Variants in GALNT13 observed in about 807,000 individuals in gnomAD.
GALNT13 encodes the protein UDP-GalNAc:polypeptide N-acetylgalactosaminyltransferase 13.
GALNT13 carries 28 observed loss-of-function variants against 64.2 expected under a neutral mutation model. That is an observed-to-expected ratio of 0.44 (90% CI 0.32 to 0.60). GALNT13 has a LOEUF of 0.60. Among genes scored for constraint, GALNT13 ranks in the 20% least tolerant of loss-of-function variants. The pLI, the probability that GALNT13 is intolerant of heterozygous loss-of-function variation, is 0.05. For synonymous variants in GALNT13, 214 were observed against 224.6 expected (o/e 0.95, Z 0.42); for missense variants, 577 against 669.8 (o/e 0.86, Z 1.53).
At chr2:153,889,440 C>T (rs1687401895) in intron 1 of GALNT13, among the ~76,000 whole-genome samples, 2 of 151,878 alleles carry the variant, frequency 1.3e-5, no homozygotes, top group Non-Finnish European at 1.5e-5. Flanking sequence ...CACACTAACA[C>T]ACTCTAAAAC....
At chr2:153,745,980 C>T in the GALNT13 span, among the ~76,000 whole-genome samples, 2 of 152,074 alleles carry the variant, frequency 1.3e-5, no homozygotes, top group Non-Finnish European at 2.9e-5. Flanking sequence ...TGATACCTGG[C>T]CATAATATGG....
chr2:154,024,567 G>A (rs565042479), intron 3 of GALNT13, among the ~76,000 whole-genome samples: 54 of 152,138 alleles, frequency 3.5e-4, no homozygotes, highest in Admixed American at 8.5e-4. Context: ...ACTTCTCTGC[G>A]TTGGTTATTC....
the GALNT13 span, among the ~76,000 whole-genome samples, chr2:153,708,247 G>A: frequency 6.6e-6 from 1 of 152,046 alleles, no homozygotes; most frequent in Non-Finnish European, 1.5e-5. Flanking sequence ...TAAAAAGTCT[G>A]GAAAATGATA....
chr2:154,156,406 C>A (rs1462859047), intron 4 of GALNT13, among the ~76,000 whole-genome samples: 1 of 151,914 alleles, frequency 6.6e-6, no homozygotes, highest in Admixed American at 6.6e-5. Context: ...TATATTTTCC[C>A]CCATGACACA....
At chr2:153,383,906 A>G in the GALNT13 span, among the ~76,000 whole-genome samples, 1 of 152,042 alleles carries the variant, frequency 6.6e-6, no homozygotes, top group African/African-American at 2.4e-5. Context: ...ATGTATTTTG[A>G]TGGTCTATTT....
At chr2:154,342,091 A>G (rs1324371342) in intron 9 of GALNT13, among the ~76,000 whole-genome samples, 28 of 152,034 alleles carry the variant, frequency 1.8e-4, no homozygotes, top group Admixed American at 1.8e-3. Flanking sequence ...TTTGAGATGT[A>G]TTCATATAAT....
chr2:153,512,807 C>T, the GALNT13 span, among the ~76,000 whole-genome samples: 5 of 151,888 alleles, frequency 3.3e-5, no homozygotes, highest in Admixed American at 6.6e-5. Flanking sequence ...TTTTAATTTG[C>T]GTTTAGGGGA....
the GALNT13 span, among the ~76,000 whole-genome samples, chr2:153,705,556 G>C: frequency 6.6e-6 from 1 of 152,164 alleles, no homozygotes; most frequent in Non-Finnish European, 1.5e-5. Flanking sequence ...CCAAACTATA[G>C]GTTAAGTTCA....
the GALNT13 span, among the ~76,000 whole-genome samples, chr2:153,372,475 G>A: frequency 5.9e-5 from 9 of 152,026 alleles, no homozygotes; most frequent in East Asian, 1.9e-4. Flanking sequence ...GTGAAACCCC[G>A]TCTCTACTAA....
the GALNT13 span, among the ~76,000 whole-genome samples, chr2:153,395,454 G>A: frequency 9.0e-4 from 137 of 152,208 alleles, no homozygotes; most frequent in African/African-American, 3.2e-3. Context: ...TGGACCTCCA[G>A]GGATATCCAG....
chr2:154,119,255 T>G (rs1428719969), intron 3 of GALNT13, among the ~76,000 whole-genome samples: 1 of 152,190 alleles, frequency 6.6e-6, no homozygotes, highest in East Asian at 1.9e-4. Flanking sequence ...AATATATTAT[T>G]CAAATTTCTC....
chr2:153,742,195 C>G, the GALNT13 span, among the ~76,000 whole-genome samples: 1 of 152,060 alleles, frequency 6.6e-6, no homozygotes, highest in Non-Finnish European at 1.5e-5. Context: ...TTTGATTGTT[C>G]TAGAGTCTAC....
the GALNT13 span, among the ~76,000 whole-genome samples, chr2:153,358,475 C>T: frequency 6.6e-6 from 1 of 152,092 alleles, no homozygotes; most frequent in Non-Finnish European, 1.5e-5. Context: ...TAATTGGTAC[C>T]TGATGGGAGG....
intron 3 of GALNT13, among the ~76,000 whole-genome samples, chr2:153,965,160 A>C (rs1238042321): frequency 6.6e-6 from 1 of 152,104 alleles, no homozygotes; most frequent in Non-Finnish European, 1.5e-5. Context: ...GGTAATGGAG[A>C]TATGTGTCAC....
chr2:153,855,865 T>A, the GALNT13 span, among the ~76,000 whole-genome samples: 1 of 152,298 alleles, frequency 6.6e-6, no homozygotes, highest in Admixed American at 6.5e-5. Context: ...AAATGTGGTA[T>A]GTTTATCTGA....
chr2:153,609,443 C>A, the GALNT13 span, among the ~76,000 whole-genome samples: 1 of 152,120 alleles, frequency 6.6e-6, no homozygotes, highest in East Asian at 1.9e-4. Flanking sequence ...CCCCTGTTGA[C>A]TTCCCTGCTC....
the GALNT13 span, among the ~76,000 whole-genome samples, chr2:153,782,027 A>G: frequency 1.3e-5 from 2 of 152,110 alleles, no homozygotes; most frequent in African/African-American, 2.4e-5. Context: ...CTCAAGAGAG[A>G]TCTTGAGGCC....
At chr2:153,613,840 A>G in the GALNT13 span, among the ~76,000 whole-genome samples, 1 of 151,976 alleles carries the variant, frequency 6.6e-6, no homozygotes, top group Non-Finnish European at 1.5e-5. Context: ...TTCCATGGGA[A>G]CATCACGCAC....
At chr2:154,022,498 A>G (rs1204790693) in intron 3 of GALNT13, among the ~76,000 whole-genome samples, 1 of 152,174 alleles carries the variant, frequency 6.6e-6, no homozygotes, top group Non-Finnish European at 1.5e-5. Context: ...TGTTTATAGT[A>G]TTCTCTGACG....
Sources: allele counts gnomAD v4.1 joint callset (sites outside exome capture counted in the v4.1 genomes callset), GRCh38; gene constraint gnomAD v4.1.1; transcripts MANE v1.5; gene names NCBI Gene and HGNC (gene_info 2026-07-23, HGNC 2026-07-21).